The following CADPS2 variants were observed in gnomAD, a reference collection of about 807,000 sequenced individuals.
CADPS2 encodes calcium dependent secretion activator 2.
Under a neutral mutation model 172.5 loss-of-function variants are expected in CADPS2, and 93 were observed. The ratio of observed to expected loss-of-function variants is 0.54; its 90% CI spans 0.46 to 0.64. The LOEUF (loss-of-function observed/expected upper bound fraction) is 0.64. Ranked by LOEUF, CADPS2 falls within the 30% of genes least tolerant of loss-of-function variation. CADPS2 has a pLI of 0.00. For missense variants in CADPS2, 1,420 were observed against 1,565.9 expected (o/e 0.91, Z 1.57); for synonymous variants, 546 against 555.2 (o/e 0.98, Z 0.23).
chr7:122,485,986 C>T (rs2057772717), intron 11 of CADPS2, among the ~76,000 whole-genome samples: 1 of 152,086 alleles, frequency 6.6e-6, no homozygotes, highest in Non-Finnish European at 1.5e-5. Context: ...GCATAGTTTA[C>T]TGAATATTTT....
chr7:122,673,183 C>G (rs1425119124), intron 2 of CADPS2, among the ~76,000 whole-genome samples: 1 of 152,202 alleles, frequency 6.6e-6, no homozygotes, highest in Admixed American at 6.5e-5. Context: ...GAGTGAACAG[C>G]AGCAAGATTC....
At chr7:122,682,665 C>T (rs755310398) in intron 2 of CADPS2, among the ~76,000 whole-genome samples, 15 of 152,256 alleles carry the variant, frequency 9.9e-5, no homozygotes, top group Non-Finnish European at 1.8e-4. Flanking sequence ...TTCAATTCAC[C>T]TCATCCTTAC....
rs35558114 is a variant in CADPS2 at position 122,666,346 on chromosome 7, C to CT, written c.454-2778dup. ...ATTGCCCTACCTGTGTCTGCTAACACTTTTTTTTTTTTTTTGAGATGGAGT... is the reference window on the plus strand; with the variant it reads ...ATTGCCCTACCTGTGTCTGCTAACACTTTTTTTTTTTTTTTTGAGATGGAGT... On this transcript the variant is annotated intron_variant, in intron 2 of 29. Coordinates refer to ENST00000449022, the MANE Select transcript of CADPS2 (RefSeq NM_017954.11). Among the ~76,000 whole-genome samples the CT allele has an allele frequency of 7.5e-3, 999 of 133,490 alleles. 33 individuals carry two copies. Among genetic ancestry groups the CT allele is most frequent in the African/African-American group, 0.017 (614 of 35,394 alleles). The allele number at this position is 133,490 out of a possible 152,430, so 87.6% of individuals were successfully genotyped here.
At chr7:122,529,436 T>G (rs2061566049) in intron 8 of CADPS2, among the ~76,000 whole-genome samples, 1 of 152,082 alleles carries the variant, frequency 6.6e-6, no homozygotes, top group African/African-American at 2.4e-5. Context: ...GCAGAAATCC[T>G]TCTCCTATTA....
chr7:122,821,839 A>G (rs1476885973), intron 1 of CADPS2, among the ~76,000 whole-genome samples: 1 of 152,078 alleles, frequency 6.6e-6, no homozygotes, highest in Admixed American at 6.6e-5. Flanking sequence ...TACTTTTACC[A>G]CTTTCCCTTC....
Position 122,592,722 on chromosome 7 carries a change from C to A in CADPS2, c.1224-11432G>T, listed in dbSNP as rs1320984171. 4.6e-5 allele frequency among the ~76,000 whole-genome samples: 7 copies of A among 151,062 alleles called. No homozygotes were observed. In the Admixed American group the frequency reaches 4.7e-4, roughly 10 times the overall value. On this transcript the variant is annotated intron_variant, in intron 6 of 29. Coordinates refer to ENST00000449022, the MANE Select transcript of CADPS2 (RefSeq NM_017954.11). ...TGAAGGTGGAAACCATCATTCTGAG[C>A]AAACTATCACAAGGACAGAAAACCA...
chr7:122,816,078 TAC>T (rs575430739), intron 1 of CADPS2, among the ~76,000 whole-genome samples: 290 of 152,284 alleles, frequency 1.9e-3, no homozygotes, highest in Middle Eastern at 3.4e-3. Context: ...TATTATTAAC[TAC>T]AGTCACCTTA....
chr7:122,420,608 G>T (rs1385407240), intron 17 of CADPS2, among the ~76,000 whole-genome samples: 3 of 152,188 alleles, frequency 2.0e-5, no homozygotes, highest in Non-Finnish European at 4.4e-5. Flanking sequence ...GAATATTTGA[G>T]AATTCTTCCT....
rs572192350 is a variant in CADPS2 at position 122,723,368 on chromosome 7, C to G, written c.453+13587G>C. ...CAACCCCATCAAAAAGTGGGCAAAG[C>G]ATATGAACAGACACTTCTCAAAAGA... is the stretch of plus-strand genomic sequence containing the variant. On this transcript the variant is annotated intron_variant, in intron 2 of 29. Transcript: ENST00000449022. Among the ~76,000 whole-genome samples the G allele has an allele frequency of 1.3e-4, 20 of 152,066 alleles. No homozygotes were observed. The East Asian group carries it at 1.7e-3, about 13-fold the overall frequency.
At chr7:122,629,868 T>A (rs2076412201) in intron 3 of CADPS2, among the ~76,000 whole-genome samples, 1 of 152,134 alleles carries the variant, frequency 6.6e-6, no homozygotes, top group African/African-American at 2.4e-5. Flanking sequence ...TTTTAAGGAT[T>A]GGCACCATAT....
intron 9 of CADPS2, among the ~76,000 whole-genome samples, chr7:122,508,899 T>C (rs1373900296): frequency 6.6e-6 from 1 of 152,118 alleles, no homozygotes; most frequent in Non-Finnish European, 1.5e-5. Flanking sequence ...GCCTTTCATT[T>C]TCTACCATAA....
At chr7:122,644,491 A>G (rs141737919) in intron 3 of CADPS2, among the ~76,000 whole-genome samples, 42 of 152,270 alleles carry the variant, frequency 2.8e-4, no homozygotes, top group African/African-American at 8.9e-4. Flanking sequence ...TGAGCTTTAT[A>G]TATTTCACCT....
intron 24 of CADPS2, among the ~76,000 whole-genome samples, chr7:122,380,430 T>A (rs890228248): frequency 6.6e-6 from 1 of 152,098 alleles, no homozygotes; most frequent in Non-Finnish European, 1.5e-5. Context: ...TCACTGCTGG[T>A]TGAATGGTTT....
chr7:122,877,723 A>G (rs988130033), intron 1 of CADPS2, among the ~76,000 whole-genome samples: 13 of 152,194 alleles, frequency 8.5e-5, no homozygotes, highest in African/African-American at 3.1e-4. Flanking sequence ...ATGCTCCTAG[A>G]AGGCTGAATA....
chr7:122,744,605 C>T (rs1464325414), intron 1 of CADPS2, among the ~76,000 whole-genome samples: 2 of 152,110 alleles, frequency 1.3e-5, no homozygotes, highest in African/African-American at 4.8e-5. Context: ...AAACCAAATT[C>T]CACTGTCACA....
In CADPS2 at chr7:122,647,215, G is replaced by GT. The variant is rs146698763; in HGVS notation, c.786+16021dup. On this transcript the variant is annotated intron_variant, in intron 3 of 29. Coordinates refer to ENST00000449022, the MANE Select transcript of CADPS2 (RefSeq NM_017954.11). ...AGTGAACTTGTTCTTTTTTACTACA[G>GT]TTTTTTTTTCCAGTGGATCTAACTA... 3.1e-3 allele frequency among the ~76,000 whole-genome samples: 473 copies of GT among 151,546 alleles called. 5 individuals carry two copies. The highest frequency in any genetic ancestry group is 3.2e-3 in the Non-Finnish European group (220 of 67,704).
chr7:122,683,236 G>A (rs535938791), intron 2 of CADPS2, among the ~76,000 whole-genome samples: 1 of 152,300 alleles, frequency 6.6e-6, no homozygotes, highest in African/African-American at 2.4e-5. Flanking sequence ...TGTAGTTTCT[G>A]ATGCTCAGTT....
intron 9 of CADPS2, among the ~76,000 whole-genome samples, chr7:122,512,530 G>A (rs1215231785): frequency 3.3e-5 from 5 of 152,048 alleles, no homozygotes; most frequent in African/African-American, 1.2e-4. Flanking sequence ...AGAAGAGTCA[G>A]CCAAACTGCA....
intron 1 of CADPS2, among the ~76,000 whole-genome samples, chr7:122,802,866 G>A (rs1797952660): frequency 6.6e-6 from 1 of 152,142 alleles, no homozygotes; most frequent in Non-Finnish European, 1.5e-5. Flanking sequence ...TAAAGCAAAT[G>A]GAACGTAGAG....
Sources: allele counts gnomAD v4.1 joint callset (sites outside exome capture counted in the v4.1 genomes callset), GRCh38; gene constraint gnomAD v4.1.1; transcripts MANE v1.5; gene names NCBI Gene and HGNC (gene_info 2026-07-23, HGNC 2026-07-21).